SLCO4C1: variants seen among roughly 807,000 people sequenced by gnomAD.
The protein encoded by SLCO4C1 is solute carrier organic anion transporter family member 4C1, also known as organic anion transporter M1.
SLCO4C1 carries 58 observed loss-of-function variants against 72.1 expected under a neutral mutation model. That is an observed-to-expected ratio of 0.80 (90% CI 0.65 to 1.00). The LOEUF (loss-of-function observed/expected upper bound fraction) is 1.00, where lower values mean the gene tolerates loss of function less well. Among genes scored for constraint, SLCO4C1 ranks in the 50% least tolerant of loss-of-function variants. The pLI is 0.00. For synonymous variants in SLCO4C1, 297 were observed against 312.5 expected, an observed-to-expected ratio of 0.95 and a Z score of 0.52; for missense variants, 898 against 857.9, an observed-to-expected ratio of 1.05 and a Z score of -0.58.
At chr5:102,278,617 A>C (rs1414989848) in intron 2 of SLCO4C1, among the ~76,000 whole-genome samples, 1 of 152,184 alleles carries the variant, frequency 6.6e-6, no homozygotes, top group Non-Finnish European at 1.5e-5. Context: ...ATTTTTAAAA[A>C]TTCAAATCCT....
At chr5:102,268,769 T>A (rs1227441590) in intron 3 of SLCO4C1, among the ~76,000 whole-genome samples, 1 of 152,156 alleles carries the variant, frequency 6.6e-6, no homozygotes, top group Non-Finnish European at 1.5e-5. Flanking sequence ...TCACTTGTGT[T>A]CAGGGTGGTA....
chr5:102,276,270 A>G (rs1255459436), intron 2 of SLCO4C1, among the ~76,000 whole-genome samples: 1 of 152,190 alleles, frequency 6.6e-6, no homozygotes, highest in African/African-American at 2.4e-5. Context: ...GAATTTAAAA[A>G]TCTGTATGTC....
chr5:102,241,029 A>G (rs1364512860), intron 10 of SLCO4C1, among the ~76,000 whole-genome samples: 2 of 152,280 alleles, frequency 1.3e-5, no homozygotes, highest in Non-Finnish European at 2.9e-5. Flanking sequence ...AATTTTAATA[A>G]ATGTAAAGAG....
chr5:102,275,947 A>T (rs1201109992), intron 2 of SLCO4C1, among the ~76,000 whole-genome samples: 3 of 152,276 alleles, frequency 2.0e-5, no homozygotes, highest in Admixed American at 6.5e-5. Flanking sequence ...AAAATATTTA[A>T]ATTTAGCCCT....
intron 10 of SLCO4C1, among the ~76,000 whole-genome samples, chr5:102,242,877 G>A (rs1008637976): frequency 6.6e-6 from 1 of 152,102 alleles, no homozygotes; most frequent in Non-Finnish European, 1.5e-5. Context: ...ACTGCCCCGG[G>A]GGGTAGAGCA....
At chr5:102,239,493 T>C in intron 11 of SLCO4C1, 105 bp from the exon 12 acceptor site, 1 of 784,276 alleles carries the variant, frequency 1.3e-6, no homozygotes, top group African/African-American at 1.8e-5. Flanking sequence ...TAAAAATAAG[T>C]ATTCATCTGT....
At chr5:102,284,764 G>C (rs1047243348) in intron 2 of SLCO4C1, among the ~76,000 whole-genome samples, 7 of 152,006 alleles carry the variant, frequency 4.6e-5, no homozygotes, top group African/African-American at 1.7e-4. Flanking sequence ...TAAAGGACAT[G>C]GATTTTTTAA....
chr5:102,250,746 T>A (rs892292563), intron 8 of SLCO4C1, among the ~76,000 whole-genome samples: 1 of 152,128 alleles, frequency 6.6e-6, no homozygotes, highest in African/African-American at 2.4e-5. Context: ...CCCAGCACTT[T>A]GGGATGCCAA....
At chr5:102,283,991 T>C (rs1749403169) in intron 2 of SLCO4C1, among the ~76,000 whole-genome samples, 1 of 152,174 alleles carries the variant, frequency 6.6e-6, no homozygotes, top group Non-Finnish European at 1.5e-5. Flanking sequence ...ATGCTTCTCA[T>C]TTTAGCTTCC....
rs1433161195 is a variant in SLCO4C1 at position 102,234,887 on chromosome 5, T to C, written c.*1971A>G. The C allele has an allele frequency of 6.6e-6, 1 of 152,192 alleles. No individual in the cohort carries two copies. Among genetic ancestry groups the C allele is most frequent in the Non-Finnish European group, 1.5e-5 (1 of 68,040 alleles). 9.4% of individuals were successfully genotyped at this position (152,192 alleles called of 1,614,324 possible). A position where few individuals can be genotyped will look rare whatever the true frequency, so the allele number is the denominator to read the frequency against. On this transcript the variant is annotated 3_prime_UTR_variant, in exon 13 of 13. Transcript: ENST00000310954. ...GGGAGGAAGATTGTCAATTGAGGTA[T>C]CATGTGTGTTCACCTGCCTCTCTTG...
chr5:102,240,036 T>C (rs1041386228), intron 11 of SLCO4C1, among the ~76,000 whole-genome samples: 1 of 152,068 alleles, frequency 6.6e-6, no homozygotes, highest in Non-Finnish European at 1.5e-5. Context: ...TGTAGCATGA[T>C]ACAAGTCAGA....
Position 102,252,809 on chromosome 5 carries a change from G to A in SLCO4C1, c.1470-3021C>T, listed in dbSNP as rs566812110. Reference sequence around the variant, plus strand: ...ACTAGAAAGCTATTAGTAGAAAAACGGCAGATGCTTGTGAAGTTTATTAAA... The same window carrying A: ...ACTAGAAAGCTATTAGTAGAAAAACAGCAGATGCTTGTGAAGTTTATTAAA... On this transcript the variant is annotated intron_variant, in intron 8 of 12. Coordinates refer to ENST00000310954, the MANE Select transcript of SLCO4C1 (RefSeq NM_180991.5). 1.1e-4 allele frequency among the ~76,000 whole-genome samples: 17 copies of A among 152,080 alleles called. No individual in the cohort carries two copies. The South Asian group carries it at 3.1e-3, about 28-fold the overall frequency.
At chr5:102,242,520 C>T (rs547334451) in intron 10 of SLCO4C1, among the ~76,000 whole-genome samples, 20 of 152,230 alleles carry the variant, frequency 1.3e-4, no homozygotes, top group Non-Finnish European at 2.2e-4. Flanking sequence ...TACAGGAGGA[C>T]AGAGCACCAG....
chr5:102,295,937 A>C lies in SLCO4C1; in HGVS notation c.326T>G (p.Leu109Arg). ...CGTGACGGCCAAGAGGCAGTAGTGA[A>C]GCAGAAAGCCTCCAGGTGTGTTGCA... is the stretch of plus-strand genomic sequence containing the variant. ...QRCNTPGGFL[L>R]HYCLLAVTQG... The change falls in exon 1 of 13, where the codon CTT becomes CGT. Residue 109 changes from leucine (L) to arginine (R), a missense_variant. Transcript: ENST00000310954. The C allele has an allele frequency of 6.2e-7, 1 of 1,614,152 alleles. No individual in the cohort carries two copies. Among genetic ancestry groups the C allele is most frequent in the Non-Finnish European group, 8.5e-7 (1 of 1,179,966 alleles).
chr5:102,254,327 A>G (rs1054499220), intron 8 of SLCO4C1, among the ~76,000 whole-genome samples: 2 of 152,210 alleles, frequency 1.3e-5, no homozygotes, highest in Non-Finnish European at 2.9e-5. Context: ...CAGTAAGTCT[A>G]TCAAGTGCCA....
At chr5:102,270,581 A>G in intron 3 of SLCO4C1, 43 bp downstream of exon 3, 1 of 1,478,086 alleles carries the variant, frequency 6.8e-7, no homozygotes, top group Non-Finnish European at 9.0e-7. Context: ...TGAACAAATA[A>G]TAAGATAAAG....
chr5:102,277,886 C>A (rs1427718384), intron 2 of SLCO4C1, among the ~76,000 whole-genome samples: 2 of 151,872 alleles, frequency 1.3e-5, no homozygotes, highest in East Asian at 3.9e-4. Flanking sequence ...ACAGATAAAT[C>A]AAAATGGAAT....
At chr5:102,247,583 C>A in intron 9 of SLCO4C1, 141 bp from the exon 10 acceptor site, 1 of 506,412 alleles carries the variant, frequency 2.0e-6, no homozygotes, top group Non-Finnish European at 3.2e-6. Context: ...GAATATTTAA[C>A]CCTTAAGAAA....
chr5:102,261,266 G>C (rs1306825063), intron 5 of SLCO4C1, among the ~76,000 whole-genome samples: 5 of 151,958 alleles, frequency 3.3e-5, no homozygotes, highest in Non-Finnish European at 5.9e-5. Flanking sequence ...TACAAAATTA[G>C]CCGAGAGTGG....
Sources: allele counts gnomAD v4.1 joint callset (sites outside exome capture counted in the v4.1 genomes callset), GRCh38; gene constraint gnomAD v4.1.1; transcripts MANE v1.5; gene names NCBI Gene and HGNC (gene_info 2026-07-23, HGNC 2026-07-21).